Variants in MMP24 observed in about 807,000 individuals in gnomAD.
MMP24 encodes matrix metalloproteinase-24.
Under a neutral mutation model 62.8 loss-of-function variants are expected in MMP24, and 25 were observed. That is an observed-to-expected ratio of 0.40 (90% CI 0.29 to 0.56). MMP24 has a LOEUF of 0.56. Among genes scored for constraint, MMP24 ranks in the 20% least tolerant of loss-of-function variants. The probability of loss-of-function intolerance (pLI) is 0.50; values close to 1 mark genes in which losing one functional copy is unlikely to be tolerated. For missense variants in MMP24, 634 were observed against 853.6 expected (o/e 0.74, Z 3.21); for synonymous variants, 319 against 350.5 (o/e 0.91, Z 1.00).
chr20:35,270,443 G>A (rs2060662745), intron 7 of MMP24, among the ~76,000 whole-genome samples: 2 of 152,238 alleles, frequency 1.3e-5, no homozygotes, highest in African/African-American at 4.8e-5. Context: ...TGATGGCCAC[G>A]GAGGCCCCGC....
intron 1 of MMP24, among the ~76,000 whole-genome samples, chr20:35,241,824 T>C (rs1043708613): frequency 2.6e-5 from 4 of 152,194 alleles, no homozygotes; most frequent in African/African-American, 9.7e-5. Flanking sequence ...TTAAATTCCA[T>C]GCTAGCTTCG....
At position 35,267,219 on chromosome 20, in the gene MMP24, C is replaced by G. The variant is rs771841042; in HGVS notation, c.994C>G (p.Pro332Ala). ...CCTCTCTCCAGGACCCCCAGCCGAG[C>G]CTCTGGAGCCCACAAGGCCACTCCC... ...IQKIYGPPAE[P>A]LEPTRPLPTL... Residue 332 changes from proline to alanine, a missense_variant, in exon 6 of 9, where the codon CCT becomes GCT. Pro to Ala is a conservative substitution (Grantham distance 27). Around this residue, in one of 3 missense-constraint regions of MMP24, gnomAD observed 399 missense variants for 530.8 expected, o/e 0.75. Coordinates refer to ENST00000246186, the MANE Select transcript of MMP24 (RefSeq NM_006690.4). 4.2e-5 allele frequency: 67 copies of G among 1,597,764 alleles called. No individual in the cohort carries two copies. Among genetic ancestry groups the G allele is most frequent in the Middle Eastern group, 1.6e-4 (1 of 6,068 alleles).
chr20:35,274,268 G>A lies in MMP24; in HGVS notation c.1601-4G>A. On this transcript the variant is annotated splice_region_variant and splice_polypyrimidine_tract_variant and intron_variant, in intron 8 of 8. Transcript: ENST00000246186. The surrounding 1 kb of genome is among the most constrained non-coding windows in gnomAD (Gnocchi z 5.1). ...AGTGGTGATGCTGGGCTGTATTTCT[G>A]CAGATTACACCTATTTCTACAAGGG... 6.2e-7 allele frequency: 1 copy of A among 1,601,320 alleles called. No homozygotes were observed.
At chr20:35,243,398 TG>T (rs1452747775) in intron 1 of MMP24, among the ~76,000 whole-genome samples, 1 of 152,184 alleles carries the variant, frequency 6.6e-6, no homozygotes, top group African/African-American at 2.4e-5. Context: ...TTTTTAGCAT[TG>T]TATTTTTATT....
intron 4 of MMP24, among the ~76,000 whole-genome samples, chr20:35,261,515 C>T (rs1229653635): frequency 6.6e-6 from 1 of 152,192 alleles, no homozygotes; most frequent in East Asian, 1.9e-4. Flanking sequence ...ATCTGTCCTA[C>T]TCAGGAGCCC....
intron 1 of MMP24, chr20:35,235,953 A>G (rs1024323946): frequency 1.3e-5 from 2 of 152,320 alleles, no homozygotes; most frequent in African/African-American, 4.8e-5. Flanking sequence ...TGGACATCCC[A>G]GTGCTGACCC....
chr20:35,261,704 C>G (rs549362708), intron 4 of MMP24, among the ~76,000 whole-genome samples: 1 of 152,122 alleles, frequency 6.6e-6, no homozygotes, highest in Non-Finnish European at 1.5e-5. Flanking sequence ...CCGGGCCCCA[C>G]CTGCCCTGCC....
chr20:35,271,114 G>A lies in MMP24; in HGVS notation c.1334-455G>A, dbSNP rs1015635211. ...AACAGTGAGGCTAGGACTCCCTGTT[G>A]GGGACCTGGGAGGCAGAAGGTGATG... On this transcript the variant is annotated intron_variant, in intron 7 of 8. Coordinates refer to ENST00000246186, the MANE Select transcript of MMP24 (RefSeq NM_006690.4). This position sits in a 1 kb window ranked among gnomAD's most constrained non-coding sequence, Gnocchi z 4.0. 6.6e-6 allele frequency among the ~76,000 whole-genome samples: 1 copy of A among 152,182 alleles called. No individual in the cohort carries two copies. Among genetic ancestry groups the A allele is most frequent in the Non-Finnish European group, 1.5e-5 (1 of 68,030 alleles).
At chr20:35,265,946 G>A (rs996591880) in intron 5 of MMP24, among the ~76,000 whole-genome samples, 42 of 151,998 alleles carry the variant, frequency 2.8e-4, no homozygotes, top group African/African-American at 1.0e-3. Context: ...AGACCACCTA[G>A]AGCAGTGATT....
At chr20:35,237,480 C>T (rs1228789641) in intron 1 of MMP24, among the ~76,000 whole-genome samples, 1 of 152,248 alleles carries the variant, frequency 6.6e-6, no homozygotes, top group African/African-American at 2.4e-5. Context: ...CCGGGCTAAT[C>T]TCCCCCATCT....
chr20:35,268,418 C>T (rs1234789215), intron 6 of MMP24, among the ~76,000 whole-genome samples: 1 of 152,208 alleles, frequency 6.6e-6, no homozygotes, highest in Non-Finnish European at 1.5e-5. Flanking sequence ...TCTCCCAGCA[C>T]GCACTGAGCA....
chr20:35,273,395 T>TA lies in MMP24; in HGVS notation c.1601-862dup, dbSNP rs756836538. On this transcript the variant is annotated intron_variant, in intron 8 of 8. Coordinates refer to ENST00000246186, the MANE Select transcript of MMP24 (RefSeq NM_006690.4). The stretch of plus-strand genomic sequence containing the variant: ...TAGGCAATGGAGTGAGACCTTGTCT[T>TA]AAAAAAAAAAAAAAAGGAAATAAAT... Among the ~76,000 whole-genome samples the TA allele has an allele frequency of 6.9e-3, 946 of 136,330 alleles. 6 individuals carry two copies. Among genetic ancestry groups the TA allele is most frequent in the African/African-American group, 0.019 (709 of 37,070 alleles). The allele number at this position is 136,330 out of a possible 152,430, so 89.4% of individuals were successfully genotyped here.
intron 1 of MMP24, among the ~76,000 whole-genome samples, chr20:35,234,329 C>T (rs1485070077): frequency 6.6e-6 from 1 of 152,220 alleles, no homozygotes; most frequent in African/African-American, 2.4e-5. Context: ...TTTCATTCCA[C>T]TTATCACCAC....
At chr20:35,264,286 G>A (rs1315056198) in intron 5 of MMP24, 4 of 180,742 alleles carry the variant, frequency 2.2e-5, no homozygotes, top group Admixed American at 6.2e-5. Context: ...ACACCAGATG[G>A]TGACTGAGTG....
intron 1 of MMP24, among the ~76,000 whole-genome samples, chr20:35,241,325 C>T (rs2060487500): frequency 6.6e-6 from 1 of 152,186 alleles, no homozygotes; most frequent in African/African-American, 2.4e-5. Flanking sequence ...CACACAGACA[C>T]ACACACACAT....
At chr20:35,266,064 G>A (rs747726654) in intron 5 of MMP24, among the ~76,000 whole-genome samples, 6 of 151,338 alleles carry the variant, frequency 4.0e-5, no homozygotes, top group Non-Finnish European at 7.4e-5. Context: ...GGTATTGGGC[G>A]TGGTGGCTCA....
At chr20:35,248,570 A>T (rs2060528030) in intron 2 of MMP24, among the ~76,000 whole-genome samples, 1 of 152,048 alleles carries the variant, frequency 6.6e-6, no homozygotes. Context: ...GGCCTCCCAG[A>T]GTGCTAGGAT....
chr20:35,265,517 C>T (rs2060628342), intron 5 of MMP24, among the ~76,000 whole-genome samples: 2 of 152,094 alleles, frequency 1.3e-5, no homozygotes, highest in African/African-American at 4.8e-5. Flanking sequence ...TAGTCATACA[C>T]TAGTATGTAT....
In MMP24 at chr20:35,226,839, G is replaced by GGCT. The variant is rs966506736; in HGVS notation, c.119_121dup (p.Leu40dup). On this transcript the variant is annotated inframe_insertion, in exon 1 of 9. Transcript: ENST00000246186. ...TGGAGCCGCTGGCGGGTCCCTGGGC[G>GGCT]GCTGCTGCTGCTGCTGCTGCCCGCG... 7 of 968,232 alleles carry GGCT rather than the reference G, an allele frequency of 7.2e-6. No homozygotes were observed. The highest frequency in any genetic ancestry group is 5.7e-5 in the African/African-American group (3 of 52,268). The allele number at this position is 968,232 out of a possible 1,614,324, so 60.0% of individuals were successfully genotyped here. A position where few individuals can be genotyped will look rare whatever the true frequency, so the allele number is the denominator to read the frequency against.
Sources: gnomAD v4.1 joint callset for allele counts (sites outside exome capture counted in the v4.1 genomes callset) on GRCh38, gnomAD v4.1.1 for gene constraint, gnomAD v4.1.1 regional missense constraint, Gnocchi (gnomAD v3.1) non-coding constraint, MANE v1.5 for transcripts, NCBI Gene and HGNC (gene_info 2026-07-23, HGNC 2026-07-21) for gene names.